Variants in GMPR observed in about 807,000 individuals in gnomAD.
GMPR encodes guanosine monophosphate reductase.
Under a neutral mutation model 38.4 loss-of-function variants are expected in GMPR, and 31 were observed. The ratio of observed to expected loss-of-function variants is 0.81; its 90% CI spans 0.61 to 1.09. The LOEUF (loss-of-function observed/expected upper bound fraction) is 1.09. GMPR is among the 50% of genes least tolerant of loss of function. GMPR has a pLI of 0.00. For synonymous variants in GMPR, 162 were observed against 173.3 expected, an observed-to-expected ratio of 0.93 and a Z score of 0.51; for missense variants, 468 against 453.7, an observed-to-expected ratio of 1.03 and a Z score of -0.29.
At chr6:16,278,999 A>G in intron 6 of GMPR, 109 bp downstream of exon 6, 1 of 679,576 alleles carries the variant, frequency 1.5e-6, no homozygotes, top group Non-Finnish European at 2.6e-6. Flanking sequence ...GGAGCTGGGC[A>G]CTGCGGTCAC....
intron 8 of GMPR, among the ~76,000 whole-genome samples, chr6:16,292,280 C>T (rs1759853906): frequency 6.6e-6 from 1 of 151,852 alleles, no homozygotes; most frequent in African/African-American, 2.4e-5. Flanking sequence ...CAGAACTCCA[C>T]TGAGATTTGT....
At chr6:16,293,943 GGTAATATACACATGT>G (rs1471941253) in intron 8 of GMPR, among the ~76,000 whole-genome samples, 3 of 152,152 alleles carry the variant, frequency 2.0e-5, no homozygotes, top group Non-Finnish European at 2.9e-5. Context: ...ACACACATCT[GGTAATATACACATGT>G]GTAATATACA....
At chr6:16,241,979 T>C (rs1467067301) in intron 1 of GMPR, among the ~76,000 whole-genome samples, 1 of 152,126 alleles carries the variant, frequency 6.6e-6, no homozygotes, top group Non-Finnish European at 1.5e-5. Flanking sequence ...CTTCAGGTGA[T>C]CTGCCTGCCT....
chr6:16,274,537 A>C, intron 5 of GMPR, 41 bp downstream of exon 5: 1 of 1,152,120 alleles, frequency 8.7e-7, no homozygotes, highest in Non-Finnish European at 1.3e-6. Flanking sequence ...GTGTGTGGGG[A>C]AGAATGGGAT....
At chr6:16,253,205 CTTGT>C (rs1387491989) in intron 3 of GMPR, among the ~76,000 whole-genome samples, 4 of 152,166 alleles carry the variant, frequency 2.6e-5, no homozygotes, top group Non-Finnish European at 4.4e-5. Flanking sequence ...TCATGTCAGG[CTTGT>C]TTGTTTTCAC....
intron 6 of GMPR, among the ~76,000 whole-genome samples, chr6:16,280,483 C>CAAT (rs1370030478): frequency 1.3e-5 from 2 of 152,238 alleles, no homozygotes; most frequent in Admixed American, 1.3e-4. Flanking sequence ...ACTCTCCACT[C>CAAT]AATACCCTTT....
chr6:16,283,027 T>C (rs138692463), intron 6 of GMPR, among the ~76,000 whole-genome samples: 18 of 152,286 alleles, frequency 1.2e-4, no homozygotes, highest in Non-Finnish European at 2.5e-4. Context: ...CAGGCTGGTC[T>C]TGAACTCCTG....
chr6:16,265,751 G>A (rs917884195), intron 4 of GMPR, among the ~76,000 whole-genome samples: 4 of 152,194 alleles, frequency 2.6e-5, no homozygotes, highest in African/African-American at 9.6e-5. Flanking sequence ...GGATGTGGGC[G>A]GGGCCAAATA....
At chr6:16,285,725 G>T (rs950815824) in intron 6 of GMPR, 68 bp from the exon 7 acceptor site, 11 of 1,338,454 alleles carry the variant, frequency 8.2e-6, no homozygotes, top group Non-Finnish European at 1.1e-5. Flanking sequence ...TAGGTCATCT[G>T]GGGGGAGGGG....
intron 5 of GMPR, among the ~76,000 whole-genome samples, chr6:16,275,977 G>T (rs1476605495): frequency 6.6e-6 from 1 of 151,988 alleles, no homozygotes; most frequent in Non-Finnish European, 1.5e-5. Flanking sequence ...GGCTAGGGTG[G>T]AACGATCAGC....
Position 16,295,043 on chromosome 6 carries a change from G to A in GMPR, c.895G>A (p.Gly299Arg). The A allele has an allele frequency of 1.2e-6, 2 of 1,609,534 alleles. No homozygotes were observed. Among genetic ancestry groups the A allele is most frequent in the African/African-American group, 1.3e-5 (1 of 74,350 alleles). Residue 299 changes from glycine (G) to arginine (R), a missense_variant, in exon 9 of 9, where the codon GGA becomes AGA. Gly to Arg is a moderately radical substitution (Grantham distance 125). Transcript: ENST00000259727. ...TAAGACTGTGGAAGTTCCTTACAAA[G>A]GAGATGTGGAAAACACTATCCTGGA... ...EGKTVEVPYK[G>R]DVENTILDIL...
At chr6:16,239,035 G>T (rs138260798) in intron 1 of GMPR, among the ~76,000 whole-genome samples, 4 of 152,128 alleles carry the variant, frequency 2.6e-5, no homozygotes, top group Non-Finnish European at 5.9e-5. Flanking sequence ...AGTGAAACTC[G>T]ACCACAGATG....
At chr6:16,252,153 T>A (rs1046534500) in intron 3 of GMPR, among the ~76,000 whole-genome samples, 1 of 152,248 alleles carries the variant, frequency 6.6e-6, no homozygotes, top group African/African-American at 2.4e-5. Context: ...TGCCATATTG[T>A]GTTCAAGTGA....
At position 16,290,638 on chromosome 6, in the gene GMPR, G is replaced by A. The variant is rs377218960; in HGVS notation, c.857+17G>A. 37 of 1,608,778 alleles carry A rather than the reference G, an allele frequency of 2.3e-5. No homozygotes were observed. The African/African-American group carries it at 3.3e-4, about 15-fold the overall frequency. On this transcript the variant is annotated intron_variant, in intron 8 of 8. Transcript: ENST00000259727. ...TGAGTACAGGTGAGGAGGTGACCCC[G>A]GGGCGCACCCTCGAGGCCTGGCCTT... is the stretch of plus-strand genomic sequence containing the variant.
intron 3 of GMPR, among the ~76,000 whole-genome samples, chr6:16,251,697 G>A (rs1156516836): frequency 6.6e-6 from 1 of 152,210 alleles, no homozygotes; most frequent in Admixed American, 6.5e-5. Flanking sequence ...GTTTGAGAGG[G>A]AGTGTGGTTA....
intron 2 of GMPR, among the ~76,000 whole-genome samples, chr6:16,247,514 A>G (rs1349670849): frequency 6.6e-6 from 1 of 152,112 alleles, no homozygotes; most frequent in African/African-American, 2.4e-5. Context: ...AGCTAGGACT[A>G]CAGGCACATG....
At chr6:16,291,131 G>A (rs1224483645) in intron 8 of GMPR, among the ~76,000 whole-genome samples, 3 of 152,202 alleles carry the variant, frequency 2.0e-5, no homozygotes, top group South Asian at 2.1e-4. Context: ...TCCAGGCTCC[G>A]AGAGCCGACA....
At chr6:16,240,158 T>G (rs1758619372) in intron 1 of GMPR, among the ~76,000 whole-genome samples, 1 of 152,208 alleles carries the variant, frequency 6.6e-6, no homozygotes, top group Admixed American at 6.5e-5. Flanking sequence ...AGAAACTCAT[T>G]TTTCAGAAAA....
intron 3 of GMPR, among the ~76,000 whole-genome samples, chr6:16,252,418 C>G (rs1758894256): frequency 6.6e-6 from 1 of 152,114 alleles, no homozygotes; most frequent in Non-Finnish European, 1.5e-5. Flanking sequence ...CAACACCTAG[C>G]CTGGCTAAAT....
Sources: allele counts gnomAD v4.1 joint callset (sites outside exome capture counted in the v4.1 genomes callset), GRCh38; gene constraint gnomAD v4.1.1; transcripts MANE v1.5; gene names NCBI Gene and HGNC (gene_info 2026-07-23, HGNC 2026-07-21).